The following ATF3 variants were observed in gnomAD, a reference collection of about 807,000 sequenced individuals.
The protein encoded by ATF3 is activating transcription factor 3, also known as cyclic AMP-dependent transcription factor ATF-3.
In ATF3, 10 loss-of-function variants were observed where a neutral mutation model predicts 18.4. The observed-to-expected ratio is 0.54, with a 90% CI of 0.34 to 0.92. The LOEUF (loss-of-function observed/expected upper bound fraction) is 0.92, where lower values mean the gene tolerates loss of function less well. Ranked by LOEUF, ATF3 falls within the 40% of genes least tolerant of loss-of-function variation. The probability of loss-of-function intolerance (pLI) is 0.02; values close to 1 mark genes in which losing one functional copy is unlikely to be tolerated. For missense variants in ATF3, 183 were observed against 222.3 expected (o/e 0.82, Z 1.12); for synonymous variants, 78 against 87.9 (o/e 0.89, Z 0.63).
intron 1 of ATF3, among the ~76,000 whole-genome samples, chr1:212,581,049 G>A (rs186688365): frequency 1.1e-4 from 17 of 152,326 alleles, no homozygotes; most frequent in East Asian, 7.7e-4. Context: ...GATGACAGGC[G>A]TGCGCCACTG....
At chr1:212,597,425 A>G (rs1654319594) in intron 1 of ATF3, among the ~76,000 whole-genome samples, 1 of 151,794 alleles carries the variant, frequency 6.6e-6, no homozygotes, top group African/African-American at 2.4e-5. Context: ...CTATTTATCT[A>G]TCTATCTATC....
intron 1 of ATF3, among the ~76,000 whole-genome samples, chr1:212,566,699 G>A (rs1000786202): frequency 2.6e-5 from 4 of 152,128 alleles, no homozygotes; most frequent in Admixed American, 1.3e-4. Flanking sequence ...TATAAATGAC[G>A]CTGAAAACAG....
intron 1 of ATF3, among the ~76,000 whole-genome samples, chr1:212,566,754 G>A (rs1466267103): frequency 6.6e-6 from 1 of 152,170 alleles, no homozygotes; most frequent in Non-Finnish European, 1.5e-5. Flanking sequence ...AGCAAAGCAC[G>A]CGCTGGGAAG....
At chr1:212,613,183 C>T (rs1164538103) in intron 1 of ATF3, among the ~76,000 whole-genome samples, 2 of 152,068 alleles carry the variant, frequency 1.3e-5, no homozygotes, top group East Asian at 1.9e-4. Context: ...GGGTATGCAC[C>T]GTGACATAAA....
intron 1 of ATF3, among the ~76,000 whole-genome samples, chr1:212,571,576 G>A (rs1226336667): frequency 6.6e-6 from 1 of 151,400 alleles, no homozygotes; most frequent in African/African-American, 2.4e-5. Context: ...GCTAGTTTTT[G>A]TATTTTTTAG....
At chr1:212,603,255 C>G (rs1654533223) in intron 1 of ATF3, among the ~76,000 whole-genome samples, 1 of 152,162 alleles carries the variant, frequency 6.6e-6, no homozygotes, top group South Asian at 2.1e-4. Flanking sequence ...CCTGGCTGCT[C>G]TAATTCTGTA....
chr1:212,580,366 G>A (rs1001038808), intron 1 of ATF3, among the ~76,000 whole-genome samples: 5 of 148,384 alleles, frequency 3.4e-5, no homozygotes, highest in Admixed American at 6.8e-5. Flanking sequence ...TCTGTTGCCC[G>A]TGCAGTGGCA....
At chr1:212,573,994 TA>T (rs913959736) in intron 1 of ATF3, among the ~76,000 whole-genome samples, 4 of 151,694 alleles carry the variant, frequency 2.6e-5, no homozygotes, top group Non-Finnish European at 5.9e-5. Flanking sequence ...TATTACTTTT[TA>T]AAAAAAGTGC....
rs186989280 is a variant in ATF3, at chr1:212,603,126, G to A, written c.-4-11892G>A. Among the ~76,000 whole-genome samples the A allele has an allele frequency of 5.3e-5, 8 of 152,274 alleles. No individual in the cohort carries two copies. The East Asian group carries it at 1.3e-3, about 26-fold the overall frequency. On this transcript the variant is annotated intron_variant, in intron 1 of 3. Transcript: ENST00000366981. ...CCGCCAAACATCTACACCTGCTCAG[G>A]TGCAGACTGAAGTGACCAGCTACCT...
upstream of ATF3, among the ~76,000 whole-genome samples, chr1:212,605,646 G>A (rs769013666): frequency 4.6e-5 from 7 of 152,176 alleles, no homozygotes; most frequent in South Asian, 2.1e-4. Flanking sequence ...TTTCTTTTGC[G>A]TTTGGCTCCC....
At chr1:212,587,188 C>T (rs982781985) in intron 1 of ATF3, among the ~76,000 whole-genome samples, 5 of 152,124 alleles carry the variant, frequency 3.3e-5, no homozygotes, top group African/African-American at 1.2e-4. Flanking sequence ...ATTTAAAAGA[C>T]CGTGTTTGAT....
intron 1 of ATF3, among the ~76,000 whole-genome samples, chr1:212,568,947 T>C (rs1269343912): frequency 6.6e-6 from 1 of 152,256 alleles, no homozygotes; most frequent in Non-Finnish European, 1.5e-5. Context: ...CTTCTGATCC[T>C]GGTTTATTTA....
At chr1:212,590,667 A>G (rs1664867108) in intron 1 of ATF3, among the ~76,000 whole-genome samples, 2 of 152,244 alleles carry the variant, frequency 1.3e-5, no homozygotes, top group South Asian at 4.1e-4. Context: ...CAGTGTGAAC[A>G]CAGAGCCATA....
chr1:212,616,423 A>G (rs369001389), intron 2 of ATF3, among the ~76,000 whole-genome samples: 36 of 152,140 alleles, frequency 2.4e-4, no homozygotes, highest in African/African-American at 8.2e-4. Flanking sequence ...CAGTCTTCCA[A>G]ATAGCTGGGA....
At chr1:212,582,868 C>T (rs901908754) in intron 1 of ATF3, among the ~76,000 whole-genome samples, 16 of 152,074 alleles carry the variant, frequency 1.1e-4, no homozygotes, top group Admixed American at 9.8e-4. Context: ...GTATAATTCT[C>T]AGTTTACACA....
chr1:212,572,018 AC>A (rs1664494073), intron 1 of ATF3, among the ~76,000 whole-genome samples: 3 of 152,066 alleles, frequency 2.0e-5, no homozygotes, highest in Admixed American at 2.0e-4. Context: ...GGCCGCCAAT[AC>A]TTTTATTCTC....
intron 2 of ATF3, among the ~76,000 whole-genome samples, chr1:212,616,503 G>T (rs1655133235): frequency 6.6e-6 from 1 of 152,084 alleles, no homozygotes; most frequent in African/African-American, 2.4e-5. Context: ...TCTCCATGTT[G>T]GCCAGGCTGG....
upstream of ATF3, chr1:212,608,574 C>A: frequency 6.5e-6 from 1 of 152,958 alleles, no homozygotes. Context: ...CACCAGTGCC[C>A]CCTCTCTCCA....
At chr1:212,604,204 T>G (rs533387350), upstream of ATF3, among the ~76,000 whole-genome samples, 1 of 152,204 alleles carries the variant, frequency 6.6e-6, no homozygotes, top group East Asian at 1.9e-4. Context: ...ACTGGGAAAC[T>G]GAGACATCGT....
Sources: gnomAD v4.1 joint callset for allele counts (sites outside exome capture counted in the v4.1 genomes callset) on GRCh38, gnomAD v4.1.1 for gene constraint, MANE v1.5 for transcripts, NCBI Gene and HGNC (gene_info 2026-07-23, HGNC 2026-07-21) for gene names.